Variants in ADAM12 observed in about 807,000 individuals in gnomAD.
ADAM12 encodes the protein disintegrin and metalloproteinase domain-containing protein 12.
A neutral mutation model predicts 106.4 loss-of-function variants in ADAM12; 70 were observed. The observed-to-expected ratio is 0.66, with a 90% CI of 0.54 to 0.80. The LOEUF is 0.80. Ranked by LOEUF, ADAM12 falls within the 30% of genes least tolerant of loss-of-function variation. The pLI is 0.00. For missense variants in ADAM12, 1,010 were observed against 1,171.9 expected, an observed-to-expected ratio of 0.86 and a Z score of 2.02; for synonymous variants, 420 against 433.5, an observed-to-expected ratio of 0.97 and a Z score of 0.39.
intron 10 of ADAM12, among the ~76,000 whole-genome samples, chr10:126,094,356 A>G (rs1269076062): frequency 6.6e-6 from 1 of 152,188 alleles, no homozygotes. Context: ...GAATGTCTGT[A>G]TGCCGCACGT....
intron 1 of ADAM12, among the ~76,000 whole-genome samples, chr10:126,384,268 A>G (rs1856583678): frequency 6.6e-6 from 1 of 152,222 alleles, no homozygotes; most frequent in African/African-American, 2.4e-5. Flanking sequence ...GCTTGTAAAA[A>G]TTGCTGCTGT....
At chr10:126,106,273 C>A (rs1182424036) in intron 8 of ADAM12, among the ~76,000 whole-genome samples, 1 of 152,140 alleles carries the variant, frequency 6.6e-6, no homozygotes, top group Non-Finnish European at 1.5e-5. Flanking sequence ...ATAACCTCTG[C>A]CCATCTCAGC....
chr10:126,039,319 T>C lies in ADAM12; in HGVS notation c.2215A>G (p.Lys739Glu), dbSNP rs140008372. ...CTTAGTTTTTCAATGGTGGTCTTCT[T>C]ATTTGTAAACAGCAGTCGTATCAAG... ...KTLIRLLFTN[K>E]KTTIEKLRCV... The change falls in exon 19 of 23, where the codon AAG becomes GAG. Residue 739 changes from lysine to glutamate, a missense_variant. Coordinates refer to ENST00000448723, the MANE Select transcript of ADAM12 (RefSeq NM_001288973.2). 2.5e-5 allele frequency: 40 copies of C among 1,613,960 alleles called. No individual in the cohort carries two copies. The African/African-American group carries it at 4.8e-4, about 19-fold the overall frequency.
chr10:126,216,499 A>G (rs1385039863), intron 3 of ADAM12, among the ~76,000 whole-genome samples: 1 of 152,238 alleles, frequency 6.6e-6, no homozygotes, highest in Non-Finnish European at 1.5e-5. Flanking sequence ...AGCCTTCTAC[A>G]TAAATCACAG....
At chr10:126,131,487 G>A (rs1956304079) in intron 5 of ADAM12, among the ~76,000 whole-genome samples, 1 of 152,112 alleles carries the variant, frequency 6.6e-6, no homozygotes, top group Non-Finnish European at 1.5e-5. Flanking sequence ...TAGAGCCATG[G>A]CCCCCATGTG....
At chr10:126,260,629 TGAA>T (rs1413898376) in intron 3 of ADAM12, among the ~76,000 whole-genome samples, 1 of 152,198 alleles carries the variant, frequency 6.6e-6, no homozygotes, top group Non-Finnish European at 1.5e-5. Context: ...TGTCAGGCTG[TGAA>T]GAAGGTAATG....
rs188320007 is a variant in ADAM12 at position 126,224,345 on chromosome 10, T to C, written c.260+54570A>G. Among the ~76,000 whole-genome samples the C allele has an allele frequency of 2.4e-3, 359 of 152,252 alleles. 2 individuals are homozygous for C. The highest frequency in any genetic ancestry group is 8.3e-3 in the African/African-American group (344 of 41,546). ...AAGAAGAGCTCCAGCTGGACACACCTCCAGCTCTGGGCATCTCCTTCCACC... is the reference window on the plus strand; with the variant it reads ...AAGAAGAGCTCCAGCTGGACACACCCCCAGCTCTGGGCATCTCCTTCCACC... On this transcript the variant is annotated intron_variant, in intron 3 of 22. Transcript: ENST00000448723.
At position 126,036,145 on chromosome 10, in the gene ADAM12, C is replaced by T. The variant is rs755129200; in HGVS notation, c.2529+1G>A. 2.1e-6 allele frequency: 3 copies of T among 1,456,680 alleles called. No homozygotes were observed. Among genetic ancestry groups the T allele is most frequent in the Admixed American group, 2.8e-5 (1 of 35,526 alleles). The allele number at this position is 1,456,680 out of a possible 1,614,324, so 90.2% of individuals were successfully genotyped here. On this transcript the variant is annotated splice_donor_variant, in intron 21 of 22. Transcript: ENST00000448723. LOFTEE classifies it high-confidence loss of function. ...CTATCATATTAGTACTGAAAGCATA[C>T]CTGGGCCTGCCTAAGTGCAGGCTTG...
At chr10:126,199,880 G>A (rs1050349278) in intron 3 of ADAM12, among the ~76,000 whole-genome samples, 10 of 152,238 alleles carry the variant, frequency 6.6e-5, no homozygotes, top group Admixed American at 4.6e-4. Context: ...TAGACAGTGT[G>A]CACCTGATCA....
At chr10:126,194,527 A>G (rs1957563165) in intron 3 of ADAM12, among the ~76,000 whole-genome samples, 1 of 152,216 alleles carries the variant, frequency 6.6e-6, no homozygotes, top group Admixed American at 6.5e-5. Context: ...CCTGGTGTTG[A>G]CTTACAATAT....
chr10:126,210,913 G>A (rs1378875362), intron 3 of ADAM12, among the ~76,000 whole-genome samples: 1 of 152,142 alleles, frequency 6.6e-6, no homozygotes, highest in Non-Finnish European at 1.5e-5. Flanking sequence ...TGGCACTTTG[G>A]TCCCTGTTTT....
At chr10:126,138,249 G>A (rs1159536433) in intron 4 of ADAM12, among the ~76,000 whole-genome samples, 1 of 152,098 alleles carries the variant, frequency 6.6e-6, no homozygotes, top group African/African-American at 2.4e-5. Context: ...TTGGATTTTG[G>A]TGTTTTTATT....
intron 2 of ADAM12, among the ~76,000 whole-genome samples, chr10:126,325,115 A>C (rs922956891): frequency 1.3e-5 from 2 of 152,156 alleles, no homozygotes; most frequent in African/African-American, 4.8e-5. Flanking sequence ...CAGGAAAGCT[A>C]ATGAAAAGCA....
chr10:126,063,077 G>T (rs570443048), intron 14 of ADAM12, among the ~76,000 whole-genome samples: 2 of 152,304 alleles, frequency 1.3e-5, no homozygotes, highest in African/African-American at 4.8e-5. Flanking sequence ...TTTGCCCAGG[G>T]TGCCCCAAGG....
intron 3 of ADAM12, among the ~76,000 whole-genome samples, chr10:126,263,028 C>T (rs1959031180): frequency 6.6e-6 from 1 of 152,158 alleles, no homozygotes; most frequent in Non-Finnish European, 1.5e-5. Context: ...GCACTCAGCA[C>T]CATGTGGAAG....
chr10:126,051,580 T>TCCAGCCAG (rs1303239755), intron 14 of ADAM12, among the ~76,000 whole-genome samples: 5,426 of 100,152 alleles, frequency 0.054, 177 homozygotes, highest in Middle Eastern at 0.16. Context: ...CATCCATCCA[T>TCCAGCCAG]CCATCCATCC....
At chr10:126,140,925 A>T (rs1462732227) in intron 4 of ADAM12, among the ~76,000 whole-genome samples, 1 of 152,164 alleles carries the variant, frequency 6.6e-6, no homozygotes, top group Non-Finnish European at 1.5e-5. Flanking sequence ...TGACAAAGGC[A>T]GAGAGAGAGG....
chr10:126,070,507 G>C (rs139159249), intron 12 of ADAM12: 1 of 152,302 alleles, frequency 6.6e-6, no homozygotes, highest in Non-Finnish European at 1.5e-5. Flanking sequence ...TTTGTGTGAT[G>C]AACACAGGAA....
At position 126,049,237 on chromosome 10, in the gene ADAM12, A is replaced by T. The variant is rs771834517; in HGVS notation, c.1917+16T>A. On this transcript the variant is annotated intron_variant, in intron 16 of 22. Coordinates refer to ENST00000448723, the MANE Select transcript of ADAM12 (RefSeq NM_001288973.2). The surrounding 1 kb of genome is among the most constrained non-coding windows in gnomAD (Gnocchi z 4.4). ...CAGACTTACATTTATGATCCAAGCA[A>T]ACATTTGGGTCTTACTTTTCCATCT... The T allele has an allele frequency of 2.5e-6, 4 of 1,613,536 alleles. No individual in the cohort carries two copies. The highest frequency in any genetic ancestry group is 3.3e-5 in the Admixed American group (2 of 60,024).
Sources: gnomAD v4.1 joint callset for allele counts (sites outside exome capture counted in the v4.1 genomes callset) on GRCh38, gnomAD v4.1.1 for gene constraint, Gnocchi (gnomAD v3.1) non-coding constraint, MANE v1.5 for transcripts, NCBI Gene and HGNC (gene_info 2026-07-23, HGNC 2026-07-21) for gene names.